The following SPTAN1 variants were observed in gnomAD, a reference collection of about 807,000 sequenced individuals.
The protein encoded by SPTAN1 is spectrin alpha, non-erythrocytic 1.
Under a neutral mutation model 331.3 loss-of-function variants are expected in SPTAN1, and 61 were observed. The observed-to-expected ratio is 0.18, with a 90% confidence interval of 0.15 to 0.23. The LOEUF (loss-of-function observed/expected upper bound fraction) is 0.23. Ranked by LOEUF, SPTAN1 falls within the 10% of genes least tolerant of loss-of-function variation. The pLI, the probability that SPTAN1 is intolerant of heterozygous loss-of-function variation, is 1.00. For missense variants in SPTAN1, 2,043 were observed against 3,147.9 expected (o/e 0.65, Z 8.40); for synonymous variants, 1,153 against 1,173.9 (o/e 0.98, Z 0.36).
intron 24 of SPTAN1, among the ~76,000 whole-genome samples, chr9:128,594,588 G>A (rs893248833): frequency 2.0e-5 from 3 of 151,502 alleles, no homozygotes; most frequent in South Asian, 2.1e-4. Flanking sequence ...GCGTCACCAC[G>A]CCCTGCTAAT....
At chr9:128,594,047 G>T in intron 23 of SPTAN1, 128 bp from the exon 24 acceptor site, 1 of 841,898 alleles carries the variant, frequency 1.2e-6, no homozygotes, top group South Asian at 1.4e-5. Context: ...CTGTTACTAG[G>T]GCATCATCAT....
chr9:128,596,272 TTTTG>T lies in SPTAN1; in HGVS notation c.3414+1915_3414+1918del, dbSNP rs529492181. The T allele has an allele frequency of 2.1e-3, 319 of 152,190 alleles. 1 individual carries two copies. Among genetic ancestry groups the T allele is most frequent in the Non-Finnish European group, 3.6e-3 (246 of 68,146 alleles). 9.4% of individuals were successfully genotyped at this position (152,190 alleles called of 1,614,324 possible). A position where few individuals can be genotyped will look rare whatever the true frequency, so the allele number is the denominator to read the frequency against. ...TGGGTTTTTTTGTTTTGTTCGTTTT[TTTTG>T]TTTGTTTGTTTGTTTTTCGAGACAG... On this transcript the variant is annotated intron_variant, in intron 24 of 56. Transcript: ENST00000372739.
Position 128,584,754 on chromosome 9 carries a change from A to G in SPTAN1, c.2471A>G (p.Lys824Arg). ...KDLIGVQNLLKKHQALQAEIA... is the reference protein window; with the variant it reads ...KDLIGVQNLLRKHQALQAEIA... ...TTAATTGGGGTCCAGAATCTGCTAA[A>G]GAAACATCAAGCCTTACAAGCAGAA... is the stretch of plus-strand genomic sequence containing the variant. Residue 824 changes from lysine (K) to arginine (R), a missense_variant, in exon 18 of 57, where the codon AAG becomes AGG. Physicochemically the swap from Lys to Arg is conservative, Grantham distance 26 (BLOSUM62 2). This residue lies in a region of SPTAN1 where 1,038 missense variants were observed against 1,531.5 expected (regional missense o/e 0.68). Coordinates refer to ENST00000372739, the MANE Select transcript of SPTAN1 (RefSeq NM_001130438.3). 1 of 1,614,230 alleles carries G rather than the reference A, an allele frequency of 6.2e-7. No homozygotes were observed. Among genetic ancestry groups the G allele is most frequent in the Non-Finnish European group, 8.5e-7 (1 of 1,180,050 alleles).
chr9:128,554,912 A>G (rs996122286), intron 1 of SPTAN1, among the ~76,000 whole-genome samples: 2 of 152,260 alleles, frequency 1.3e-5, no homozygotes, highest in African/African-American at 4.8e-5. Flanking sequence ...GGCCCAAGTC[A>G]GATCTTTGTG....
rs768287672 is a variant in SPTAN1 at position 128,574,835 on chromosome 9, G to A, written c.504+20G>A. 8.7e-6 allele frequency: 14 copies of A among 1,613,774 alleles called. No homozygotes were observed. Among genetic ancestry groups the A allele is most frequent in the Non-Finnish European group, 4.2e-6 (5 of 1,179,842 alleles). ...GACAAGGCACGTTTTGGGAAGAAGG[G>A]TTTGCTAAGCTTTACTCAAAGAAAA... On this transcript the variant is annotated intron_variant, in intron 4 of 56. Transcript: ENST00000372739.
Position 128,577,652 on chromosome 9 carries a change from C to A in SPTAN1, c.1085+146C>A. Reference sequence around the variant, plus strand: ...AAATCACTTCTTACCTATGTTCTCTCTGTTTGGAGACTGGCAACTGTATCA... The same window carrying A: ...AAATCACTTCTTACCTATGTTCTCTATGTTTGGAGACTGGCAACTGTATCA... On this transcript the variant is annotated intron_variant, in intron 8 of 56. Transcript: ENST00000372739. The surrounding 1 kb of genome is among the most constrained non-coding windows in gnomAD (Gnocchi z 4.2). 9.0e-7 allele frequency: 1 copy of A among 1,114,692 alleles called. No individual in the cohort carries two copies. Among genetic ancestry groups the A allele is most frequent in the Non-Finnish European group, 1.3e-6 (1 of 751,298 alleles). The allele number at this position is 1,114,692 out of a possible 1,614,324, so 69.1% of individuals were successfully genotyped here. A position where few individuals can be genotyped will look rare whatever the true frequency, so the allele number is the denominator to read the frequency against.
intron 5 of SPTAN1, among the ~76,000 whole-genome samples, 177 bp downstream of exon 5, chr9:128,575,522 A>G (rs1023720142): frequency 7.9e-5 from 12 of 152,228 alleles, no homozygotes; most frequent in Admixed American, 6.5e-4. Context: ...AAATTGGAAA[A>G]TGCTTTTCAA....
intron 43 of SPTAN1, among the ~76,000 whole-genome samples, chr9:128,618,657 G>A (rs955689546): frequency 6.6e-6 from 1 of 151,900 alleles, no homozygotes; most frequent in Admixed American, 6.6e-5. Flanking sequence ...CTAATTTTTT[G>A]TATTTTTAGT....
intron 52 of SPTAN1, 49 bp downstream of exon 52, chr9:128,630,424 C>T: frequency 1.3e-6 from 2 of 1,584,278 alleles, no homozygotes; most frequent in Non-Finnish European, 8.7e-7. Context: ...CACCCAGCCA[C>T]CCCCCAGGGT....
chr9:128,565,708 T>C (rs748149636), intron 1 of SPTAN1, among the ~76,000 whole-genome samples: 3 of 152,232 alleles, frequency 2.0e-5, no homozygotes, highest in Non-Finnish European at 4.4e-5. Flanking sequence ...TCTTTCTGTC[T>C]TGGGATAGAC....
At chr9:128,580,877 T>C (rs749088637) in intron 10 of SPTAN1, 45 bp from the exon 11 acceptor site, 1 of 1,611,468 alleles carries the variant, frequency 6.2e-7, no homozygotes, top group Middle Eastern at 2.2e-4. Context: ...TCGGAGGCAT[T>C]GGGGCTGACC....
rs763546613 is a variant in SPTAN1 at position 128,628,031 on chromosome 9, G to T, written c.6707+89G>T. On this transcript the variant is annotated intron_variant, in intron 51 of 56. Coordinates refer to ENST00000372739, the MANE Select transcript of SPTAN1 (RefSeq NM_001130438.3). ...TGGCCTGGCTTGTGGAGGATCCCGG[G>T]ATGGGCCTTCCTGCCCAGGGCGGGC... The T allele has an allele frequency of 1.8e-5, 27 of 1,536,838 alleles. No homozygotes were observed. The East Asian group carries it at 5.8e-4, about 33-fold the overall frequency.
chr9:128,613,744 C>T (rs1272717944), intron 40 of SPTAN1, among the ~76,000 whole-genome samples: 2 of 152,206 alleles, frequency 1.3e-5, no homozygotes, highest in African/African-American at 4.8e-5. Context: ...TGGCTTACGG[C>T]TGTAATCCCA....
At chr9:128,626,722 C>T (rs748813503) in intron 49 of SPTAN1, 35 bp downstream of exon 49, 1 of 1,570,856 alleles carries the variant, frequency 6.4e-7, no homozygotes, top group South Asian at 1.1e-5. Context: ...GCTGCTCGGC[C>T]TCCCAGAGCC....
Position 128,588,868 on chromosome 9 carries a change from C to T in SPTAN1, c.2931C>T (p.Asp977=), listed in dbSNP as rs780460157. Residue 977 remains aspartate (D), a synonymous_variant, in exon 21 of 57, where the codon GAC becomes GAT. Coordinates refer to ENST00000372739, the MANE Select transcript of SPTAN1 (RefSeq NM_001130438.3). ...AGGAGCTGGTCTTGGCTCTCTACGA[C>T]TATCAGGAGAAGAGTCCCCGAGAGG... ...TGKELVLALY[D]YQEKSPREVT... 1.2e-6 allele frequency: 2 copies of T among 1,614,158 alleles called. No individual in the cohort carries two copies. Among genetic ancestry groups the T allele is most frequent in the African/African-American group, 1.3e-5 (1 of 75,026 alleles).
chr9:128,628,013 G>T (rs1467580593), intron 51 of SPTAN1, 71 bp downstream of exon 51: 2 of 1,593,348 alleles, frequency 1.3e-6, no homozygotes, highest in Non-Finnish European at 1.7e-6. Flanking sequence ...TCGTGGCCTG[G>T]CTTGTGGAGG....
At chr9:128,592,958 C>G (rs1399294895) in intron 22 of SPTAN1, 25 bp from the exon 23 acceptor site, 7 of 1,596,494 alleles carry the variant, frequency 4.4e-6, no homozygotes, top group Non-Finnish European at 6.0e-6. Flanking sequence ...TTCGTGCATG[C>G]TTTTGCTGTG....
At chr9:128,594,146 C>T (rs1853908924) in intron 23 of SPTAN1, 29 bp from the exon 24 acceptor site, 3 of 1,612,666 alleles carry the variant, frequency 1.9e-6, no homozygotes, top group Non-Finnish European at 2.5e-6. Flanking sequence ...CTTCCTTGTC[C>T]CTCTTGTCAC....
intron 41 of SPTAN1, 106 bp downstream of exon 41, chr9:128,615,946 G>A (rs1857112792): frequency 8.0e-7 from 1 of 1,250,088 alleles, no homozygotes; most frequent in African/African-American, 1.5e-5. Context: ...TGCTGGACTG[G>A]GATCCCAGCT....
Sources: allele counts gnomAD v4.1 joint callset (sites outside exome capture counted in the v4.1 genomes callset), GRCh38; gene constraint gnomAD v4.1.1; regional missense constraint gnomAD v4.1.1; non-coding constraint Gnocchi (gnomAD v3.1); transcripts MANE v1.5; gene names NCBI Gene and HGNC (gene_info 2026-07-23, HGNC 2026-07-21).